HIRA: variants seen among roughly 807,000 people sequenced by gnomAD.
The protein encoded by HIRA is histone cell cycle regulator, also known as protein HIRA.
HIRA carries 13 observed loss-of-function variants against 126.6 expected under a neutral mutation model. The observed-to-expected ratio is 0.10, with a 90% CI of 0.07 to 0.16. The LOEUF (loss-of-function observed/expected upper bound fraction) is 0.16. HIRA is among the 10% of genes least tolerant of loss of function. HIRA has a pLI of 1.00. For missense variants in HIRA, 834 were observed against 1,314.4 expected (o/e 0.63, Z 5.65); for synonymous variants, 511 against 520.0 (o/e 0.98, Z 0.24).
In HIRA at chr22:19,352,748, A is replaced by G. The variant is rs1202711860; in HGVS notation, c.2848+608T>C. 3.3e-5 allele frequency among the ~76,000 whole-genome samples: 5 copies of G among 152,376 alleles called. No homozygotes were observed. In the East Asian group the frequency reaches 9.6e-4, roughly 29 times the overall value. On this transcript the variant is annotated intron_variant, in intron 23 of 24. Coordinates refer to ENST00000263208, the MANE Select transcript of HIRA (RefSeq NM_003325.4). ...GCAAAAAGCCCAGGAAGCTGCACAG[A>G]GAGAGCTCTGGGAGGGCCTGCCCCA...
At chr22:19,337,053 C>T (rs1030301729) in intron 24 of HIRA, among the ~76,000 whole-genome samples, 1 of 152,146 alleles carries the variant, frequency 6.6e-6, no homozygotes, top group Non-Finnish European at 1.5e-5. Flanking sequence ...TTACAAAGTA[C>T]ATTTTCATTA....
intron 1 of HIRA, among the ~76,000 whole-genome samples, chr22:19,424,504 G>A (rs1340821764): frequency 1.3e-5 from 2 of 152,246 alleles, no homozygotes; most frequent in African/African-American, 4.8e-5. Flanking sequence ...GGCTACAGAA[G>A]CAGTCAGAGG....
chr22:19,359,537 A>G (rs1254778085), intron 17 of HIRA, 53 bp from the exon 18 acceptor site: 13 of 1,485,116 alleles, frequency 8.8e-6, no homozygotes, highest in Non-Finnish European at 1.2e-5. Context: ...AGCCCAGGTG[A>G]CATGCTCCAA....
chr22:19,396,155 G>A (rs1287650380), intron 7 of HIRA, among the ~76,000 whole-genome samples: 3 of 152,192 alleles, frequency 2.0e-5, no homozygotes, highest in South Asian at 2.1e-4. Context: ...TTTTATCCAC[G>A]TCTGTGGGAG....
At chr22:19,375,416 C>A (rs1464003075) in intron 15 of HIRA, among the ~76,000 whole-genome samples, 1 of 152,184 alleles carries the variant, frequency 6.6e-6, no homozygotes, top group Non-Finnish European at 1.5e-5. Context: ...CGCGTCCTCC[C>A]CCATGACTCC....
intron 7 of HIRA, among the ~76,000 whole-genome samples, chr22:19,396,363 A>G (rs2089223621): frequency 6.6e-6 from 1 of 152,144 alleles, no homozygotes; most frequent in African/African-American, 2.4e-5. Context: ...TAAAAATACA[A>G]AAATTAGCTA....
intron 1 of HIRA, among the ~76,000 whole-genome samples, chr22:19,426,096 G>A (rs1264839404): frequency 1.3e-5 from 2 of 152,134 alleles, no homozygotes; most frequent in Non-Finnish European, 2.9e-5. Context: ...ACATGGCCAA[G>A]TCCCATTAAT....
At position 19,361,928 on chromosome 22, in the gene HIRA, T is replaced by C; in HGVS notation, c.1779A>G (p.Leu593=). 1 of 1,614,048 alleles carries C rather than the reference T, an allele frequency of 6.2e-7. No individual in the cohort carries two copies. The highest frequency in any genetic ancestry group is 1.3e-5 in the African/African-American group (1 of 75,058). ...TSMTPTAVER[L]KEQNLVKELR... ...GCTCTTTCACAAGGTTCTGCTCTTT[T>C]AACCTGCACAAAAACATTACATCAC... The change falls in exon 16 of 25, where the codon TTA becomes TTG. Residue 593 remains leucine, a synonymous_variant. Transcript: ENST00000263208.
At chr22:19,402,936 TC>T (rs2089280461) in intron 5 of HIRA, among the ~76,000 whole-genome samples, 1 of 151,256 alleles carries the variant, frequency 6.6e-6, no homozygotes, top group Non-Finnish European at 1.5e-5. Context: ...TGAAACCCCA[TC>T]TCTACGAAAA....
At chr22:19,398,156 GT>G in intron 5 of HIRA, 69 bp from the exon 6 acceptor site, 5 of 1,185,122 alleles carry the variant, frequency 4.2e-6, no homozygotes, top group Non-Finnish European at 6.2e-6. Flanking sequence ...AGCTTGGCCA[GT>G]GCCCCTGGGA....
intron 17 of HIRA, among the ~76,000 whole-genome samples, chr22:19,360,384 AG>A (rs1030155007): frequency 2.0e-5 from 3 of 152,164 alleles, no homozygotes; most frequent in Non-Finnish European, 2.9e-5. Context: ...TGACCACTGG[AG>A]GGCCCCTGCC....
At chr22:19,381,113 TTTC>T (rs1341707730) in intron 13 of HIRA, among the ~76,000 whole-genome samples, 1 of 152,236 alleles carries the variant, frequency 6.6e-6, no homozygotes, top group Non-Finnish European at 1.5e-5. Context: ...TTTTTAATTT[TTTC>T]TTCATTAAGA....
rs2088757760 is a variant in HIRA, at chr22:19,351,581, C to T, written c.2849-135G>A. 2.8e-6 allele frequency: 2 copies of T among 702,432 alleles called. No individual in the cohort carries two copies. The highest frequency in any genetic ancestry group is 4.7e-6 in the Non-Finnish European group (2 of 425,814). The allele number at this position is 702,432 out of a possible 1,614,324, so 43.5% of individuals were successfully genotyped here. A position where few individuals can be genotyped will look rare whatever the true frequency, so the allele number is the denominator to read the frequency against. ...GAATAAACACATGCGTATTTTATTGCCTACTATGGGCAAGACGCCCCTGCA... is the reference window on the plus strand; with the variant it reads ...GAATAAACACATGCGTATTTTATTGTCTACTATGGGCAAGACGCCCCTGCA... On this transcript the variant is annotated intron_variant, in intron 23 of 24. Coordinates refer to ENST00000263208, the MANE Select transcript of HIRA (RefSeq NM_003325.4). This position sits in a 1 kb window ranked among gnomAD's most constrained non-coding sequence, Gnocchi z 4.8.
chr22:19,348,990 G>A (rs1458269611), intron 24 of HIRA, among the ~76,000 whole-genome samples: 2 of 151,362 alleles, frequency 1.3e-5, no homozygotes, highest in African/African-American at 4.9e-5. Flanking sequence ...CACCATGTTG[G>A]CTGGGTTGGT....
At chr22:19,353,307 G>A (rs782273981) in intron 23 of HIRA, 49 bp downstream of exon 23, 1 of 1,605,026 alleles carries the variant, frequency 6.2e-7, no homozygotes, top group South Asian at 1.1e-5. Flanking sequence ...GGCCTGGGAG[G>A]ATGGAGGGGC....
intron 12 of HIRA, among the ~76,000 whole-genome samples, chr22:19,384,841 G>C (rs887462394): frequency 2.6e-4 from 39 of 150,556 alleles, no homozygotes; most frequent in African/African-American, 9.5e-4. Context: ...TTTAAGTAGA[G>C]ACAAGGTTTC....
chr22:19,431,360 G>T, intron 1 of HIRA, 80 bp downstream of exon 1: 1 of 1,480,648 alleles, frequency 6.8e-7, no homozygotes, highest in Non-Finnish European at 9.3e-7. Flanking sequence ...AGACAGGCAG[G>T]ACTTGCGCGC....
intron 24 of HIRA, among the ~76,000 whole-genome samples, chr22:19,342,195 GA>G: frequency 6.6e-6 from 1 of 151,780 alleles, no homozygotes; most frequent in Non-Finnish European, 1.5e-5. Context: ...ACAAACATAT[GA>G]AAAAAATGCT....
At chr22:19,387,883 T>C in intron 10 of HIRA, 67 bp from the exon 11 acceptor site, 1 of 972,100 alleles carries the variant, frequency 1.0e-6, no homozygotes, top group Non-Finnish European at 1.5e-6. Context: ...CCGCAGTAGC[T>C]GGCCTGTGAG....
Sources: allele counts gnomAD v4.1 joint callset (sites outside exome capture counted in the v4.1 genomes callset), GRCh38; gene constraint gnomAD v4.1.1; non-coding constraint Gnocchi (gnomAD v3.1); transcripts MANE v1.5; gene names NCBI Gene and HGNC (gene_info 2026-07-23, HGNC 2026-07-21).